NEK11: variants seen among roughly 807,000 people sequenced by gnomAD.
NEK11 encodes the protein serine/threonine-protein kinase Nek11.
NEK11 carries 72 observed loss-of-function variants against 80.7 expected under a neutral mutation model. That is an observed-to-expected ratio of 0.89 (90% CI 0.74 to 1.08). The LOEUF (loss-of-function observed/expected upper bound fraction) is 1.08. Among genes scored for constraint, NEK11 ranks in the 50% least tolerant of loss-of-function variants. The pLI, the probability that NEK11 is intolerant of heterozygous loss-of-function variation, is 0.00. For missense variants in NEK11, 764 were observed against 763.6 expected (o/e 1.00, Z -0.01); for synonymous variants, 251 against 260.7 (o/e 0.96, Z 0.36).
At chr3:131,164,084 G>A (rs1417637745) in intron 11 of NEK11, among the ~76,000 whole-genome samples, 1 of 152,128 alleles carries the variant, frequency 6.6e-6, no homozygotes, top group Non-Finnish European at 1.5e-5. Flanking sequence ...TGAATATCAT[G>A]ATAAGCCAAG....
intron 17 of NEK11, among the ~76,000 whole-genome samples, chr3:131,339,474 C>T (rs566034390): frequency 2.6e-5 from 4 of 152,288 alleles, no homozygotes; most frequent in Admixed American, 6.5e-5. Flanking sequence ...AACGGGGCTT[C>T]GGTCTTTTCA....
chr3:131,243,605 A>T, intron 16 of NEK11, 109 bp downstream of exon 16: 1 of 889,710 alleles, frequency 1.1e-6, no homozygotes, highest in Non-Finnish European at 1.7e-6. Flanking sequence ...AGTATAACAG[A>T]TGAAGAAACT....
chr3:131,293,814 C>T (rs1171909841), intron 17 of NEK11, among the ~76,000 whole-genome samples: 1 of 152,004 alleles, frequency 6.6e-6, no homozygotes, highest in African/African-American at 2.4e-5. Flanking sequence ...CAACTTGTGT[C>T]TTTCAAGGAA....
intron 3 of NEK11, among the ~76,000 whole-genome samples, chr3:131,072,731 G>A (rs2073626908): frequency 6.6e-6 from 1 of 152,076 alleles, no homozygotes; most frequent in Admixed American, 6.6e-5. Context: ...CCTCCATGAA[G>A]GGAATCCACT....
At chr3:131,074,917 T>C (rs990330875) in intron 3 of NEK11, among the ~76,000 whole-genome samples, 1 of 152,148 alleles carries the variant, frequency 6.6e-6, no homozygotes, top group Admixed American at 6.6e-5. Context: ...GGGCAGGAGT[T>C]TTGTCTTTTT....
At position 131,029,896 on chromosome 3, in the gene NEK11, C is replaced by T. The variant is rs2064526155; in HGVS notation, c.170+18C>T. ...GAGGAATTGTAAGTAAAAATGCTTCCTATGAATCTTGAGTAGGCTGCTTTT... is the reference window on the plus strand; with the variant it reads ...GAGGAATTGTAAGTAAAAATGCTTCTTATGAATCTTGAGTAGGCTGCTTTT... On this transcript the variant is annotated intron_variant, in intron 3 of 17. Coordinates refer to ENST00000383366, the MANE Select transcript of NEK11 (RefSeq NM_024800.5). The T allele has an allele frequency of 1.9e-6, 3 of 1,612,014 alleles. No homozygotes were observed. Among genetic ancestry groups the T allele is most frequent in the Admixed American group, 3.3e-5 (2 of 59,990 alleles).
intron 7 of NEK11, among the ~76,000 whole-genome samples, chr3:131,150,704 C>T (rs775173321): frequency 8.6e-5 from 13 of 151,818 alleles, no homozygotes; most frequent in Non-Finnish European, 1.3e-4. Context: ...AATTTTTATT[C>T]TACATAATTT....
chr3:131,107,948 G>A (rs2079458741), intron 4 of NEK11, among the ~76,000 whole-genome samples: 1 of 152,010 alleles, frequency 6.6e-6, no homozygotes, highest in African/African-American at 2.4e-5. Flanking sequence ...ATAAACTCAA[G>A]GAGTAAAAAG....
At chr3:131,191,374 T>C (rs1170115536) in intron 14 of NEK11, among the ~76,000 whole-genome samples, 1 of 152,126 alleles carries the variant, frequency 6.6e-6, no homozygotes, top group Non-Finnish European at 1.5e-5. Flanking sequence ...GCTCCTGCAT[T>C]CCTGGTTTGT....
chr3:131,115,944 T>TTCTTTC (rs1553878306), intron 5 of NEK11, among the ~76,000 whole-genome samples: 22 of 121,750 alleles, frequency 1.8e-4, no homozygotes, highest in Admixed American at 2.5e-4. Context: ...CTTTCTTTCT[T>TTCTTTC]TCTTTCTTTC....
At chr3:131,152,979 C>T (rs891233789) in intron 9 of NEK11, among the ~76,000 whole-genome samples, 6 of 152,096 alleles carry the variant, frequency 3.9e-5, no homozygotes, top group African/African-American at 1.2e-4. Context: ...CCCAGCTACT[C>T]AGGAGGCTGA....
intron 17 of NEK11, among the ~76,000 whole-genome samples, chr3:131,322,345 T>C (rs2109766256): frequency 6.6e-6 from 1 of 152,276 alleles, no homozygotes; most frequent in South Asian, 2.1e-4. Flanking sequence ...CTATGCTTGC[T>C]ATCTGGGTGA....
chr3:131,071,969 A>C (rs2073413592), intron 3 of NEK11, among the ~76,000 whole-genome samples: 1 of 152,198 alleles, frequency 6.6e-6, no homozygotes, highest in Non-Finnish European at 1.5e-5. Flanking sequence ...GGTTTTTATA[A>C]CCTTAAGCAT....
intron 3 of NEK11, among the ~76,000 whole-genome samples, chr3:131,074,047 G>A (rs535154544): frequency 1.3e-5 from 2 of 152,250 alleles, no homozygotes; most frequent in South Asian, 4.1e-4. Context: ...TTTCTTGACA[G>A]AATTAAGCTC....
chr3:131,329,581 A>C (rs2097036622), intron 17 of NEK11: 1 of 152,248 alleles, frequency 6.6e-6, no homozygotes. Context: ...AATACTAAGA[A>C]GAAAATACAA....
At chr3:131,097,831 A>G (rs2077683361) in intron 4 of NEK11, among the ~76,000 whole-genome samples, 1 of 143,014 alleles carries the variant, frequency 7.0e-6, no homozygotes, top group Non-Finnish European at 1.6e-5. Flanking sequence ...GGAACCAAAA[A>G]AGAGCCCGCA....
chr3:131,064,775 C>A (rs1164807021), intron 3 of NEK11, among the ~76,000 whole-genome samples: 1 of 151,984 alleles, frequency 6.6e-6, no homozygotes, highest in Non-Finnish European at 1.5e-5. Context: ...CTGGACATAG[C>A]TCTTGCCTTC....
intron 14 of NEK11, 183 bp downstream of exon 14, chr3:131,171,070 CT>C (rs1384214726): frequency 1.6e-6 from 1 of 616,998 alleles, no homozygotes; most frequent in Admixed American, 2.7e-5. Flanking sequence ...TTTTTCTGTC[CT>C]CTCTATCTTC....
At chr3:131,098,404 C>A (rs962227907) in intron 4 of NEK11, among the ~76,000 whole-genome samples, 1 of 152,130 alleles carries the variant, frequency 6.6e-6, no homozygotes, top group African/African-American at 2.4e-5. Flanking sequence ...ACAACCTACT[C>A]ATCTGTTTTT....
Sources: gnomAD v4.1 joint callset for allele counts (sites outside exome capture counted in the v4.1 genomes callset) on GRCh38, gnomAD v4.1.1 for gene constraint, MANE v1.5 for transcripts, NCBI Gene and HGNC (gene_info 2026-07-23, HGNC 2026-07-21) for gene names.